The following GRID2 variants were observed in gnomAD, a reference collection of about 807,000 sequenced individuals.
GRID2 encodes glutamate receptor ionotropic, delta-2.
A neutral mutation model predicts 114.8 loss-of-function variants in GRID2; 33 were observed. The ratio of observed to expected loss-of-function variants is 0.29; its 90% CI spans 0.22 to 0.38. The LOEUF (loss-of-function observed/expected upper bound fraction) is 0.38. Ranked by LOEUF, GRID2 falls within the 10% of genes least tolerant of loss-of-function variation. The probability of loss-of-function intolerance (pLI) is 1.00; values close to 1 mark genes in which losing one functional copy is unlikely to be tolerated. For missense variants in GRID2, 1,184 were observed against 1,257.7 expected, an observed-to-expected ratio of 0.94 and a Z score of 0.89; for synonymous variants, 505 against 449.9, an observed-to-expected ratio of 1.12 and a Z score of -1.55.
chr4:92,384,872 T>A (rs1239969619), intron 1 of GRID2, among the ~76,000 whole-genome samples: 7 of 150,660 alleles, frequency 4.6e-5, no homozygotes, highest in Non-Finnish European at 7.4e-5. Flanking sequence ...CGACGCATTC[T>A]AGGTGTTCCA....
At chr4:92,451,608 G>T (rs1208180908) in intron 1 of GRID2, among the ~76,000 whole-genome samples, 1 of 152,058 alleles carries the variant, frequency 6.6e-6, no homozygotes, top group African/African-American at 2.4e-5. Context: ...AATAGAAGTA[G>T]AAGCAAATCC....
chr4:93,296,462 T>G (rs1754324372), intron 8 of GRID2, among the ~76,000 whole-genome samples: 1 of 152,116 alleles, frequency 6.6e-6, no homozygotes, highest in Non-Finnish European at 1.5e-5. Context: ...CTAACTGAAG[T>G]GGATCCAGGA....
intron 2 of GRID2, among the ~76,000 whole-genome samples, chr4:92,987,521 C>G (rs531483865): frequency 9.3e-5 from 14 of 151,280 alleles, no homozygotes; most frequent in Admixed American, 5.9e-4. Flanking sequence ...TGCAGCACAC[C>G]AACATGGCAC....
chr4:92,476,354 A>G (rs369069288), intron 1 of GRID2, among the ~76,000 whole-genome samples: 42 of 152,282 alleles, frequency 2.8e-4, no homozygotes, highest in African/African-American at 9.9e-4. Flanking sequence ...CATTAAACAT[A>G]AGATAATTTT....
At chr4:93,035,310 A>G (rs542734702) in intron 2 of GRID2, among the ~76,000 whole-genome samples, 5 of 151,926 alleles carry the variant, frequency 3.3e-5, no homozygotes, top group Non-Finnish European at 7.4e-5. Context: ...ATGGGTTTTC[A>G]CTATTTTTGC....
At chr4:93,689,504 A>T (rs17020989) in intron 14 of GRID2, among the ~76,000 whole-genome samples, 6,242 of 152,102 alleles carry the variant, frequency 0.041, 194 homozygotes, top group African/African-American at 0.08. Flanking sequence ...ATTGCTCCAG[A>T]TCAGACTTCC....
At chr4:92,505,608 G>A (rs1001146153) in intron 1 of GRID2, among the ~76,000 whole-genome samples, 11 of 151,880 alleles carry the variant, frequency 7.2e-5, no homozygotes, top group Admixed American at 5.3e-4. Flanking sequence ...GTATGTTAGG[G>A]GAGTGGAGGA....
intron 1 of GRID2, among the ~76,000 whole-genome samples, chr4:92,532,575 C>T (rs558833477): frequency 8.7e-4 from 133 of 152,058 alleles, no homozygotes; most frequent in African/African-American, 2.9e-3. Flanking sequence ...TATAATTGCC[C>T]GTGTGTAGAA....
Position 92,341,929 on chromosome 4 carries a change from AT to A in GRID2, c.88+37186del, listed in dbSNP as rs1479655768. Among the ~76,000 whole-genome samples, 176 of 146,112 alleles carry A rather than the reference AT, an allele frequency of 1.2e-3. 1 individual carries two copies. Among genetic ancestry groups the A allele is most frequent in the African/African-American group, 4.2e-3 (156 of 37,062 alleles). ...CTCCATCTCAAAAAAAAAAAAAAAA[AT>A]GTTTATGTAGCAACTTGAGGATACC... On this transcript the variant is annotated intron_variant, in intron 1 of 15. Transcript: ENST00000282020.
At chr4:92,352,711 T>C (rs1287405971) in intron 1 of GRID2, among the ~76,000 whole-genome samples, 1 of 152,042 alleles carries the variant, frequency 6.6e-6, no homozygotes, top group East Asian at 1.9e-4. Context: ...TGTAGGTTTA[T>C]TAGGATAAAT....
chr4:93,607,756 G>C (rs1387023046), intron 13 of GRID2, among the ~76,000 whole-genome samples: 1 of 151,842 alleles, frequency 6.6e-6, no homozygotes, highest in East Asian at 1.9e-4. Context: ...ATTTTATTTT[G>C]TACTCACCAC....
At chr4:92,889,814 T>A (rs553966654) in intron 2 of GRID2, among the ~76,000 whole-genome samples, 1 of 152,122 alleles carries the variant, frequency 6.6e-6, no homozygotes, top group Non-Finnish European at 1.5e-5. Flanking sequence ...GCCAAGACAA[T>A]CCTAAGCAAA....
At chr4:92,571,807 C>G (rs1579602825) in intron 1 of GRID2, among the ~76,000 whole-genome samples, 2 of 151,852 alleles carry the variant, frequency 1.3e-5, no homozygotes. Context: ...AAAATGAAGG[C>G]AGAAATAAAG....
chr4:93,160,930 T>C (rs557198962), intron 4 of GRID2, among the ~76,000 whole-genome samples: 6 of 151,902 alleles, frequency 3.9e-5, no homozygotes, highest in African/African-American at 1.4e-4. Flanking sequence ...ACCAGAATGG[T>C]ATTAACACTG....
At chr4:93,149,593 A>C (rs1330039697) in intron 4 of GRID2, among the ~76,000 whole-genome samples, 2 of 151,688 alleles carry the variant, frequency 1.3e-5, no homozygotes, top group Admixed American at 1.3e-4. Context: ...AAACAAAAAC[A>C]AGTAACAACC....
chr4:92,441,509 G>A (rs549768920), intron 1 of GRID2, among the ~76,000 whole-genome samples: 9 of 152,170 alleles, frequency 5.9e-5, no homozygotes, highest in African/African-American at 2.2e-4. Context: ...GAGTATATGG[G>A]TTTGGCACCA....
intron 14 of GRID2, among the ~76,000 whole-genome samples, chr4:93,748,389 G>A (rs1451150016): frequency 6.6e-6 from 1 of 152,062 alleles, no homozygotes; most frequent in Non-Finnish European, 1.5e-5. Flanking sequence ...AATATCAATA[G>A]AATGTTTTTC....
At chr4:93,241,380 C>T (rs1459011947) in intron 8 of GRID2, among the ~76,000 whole-genome samples, 2 of 151,350 alleles carry the variant, frequency 1.3e-5, no homozygotes, top group Admixed American at 6.6e-5. Flanking sequence ...ATTTTTGGAT[C>T]GTTATCAATC....
intron 4 of GRID2, among the ~76,000 whole-genome samples, chr4:93,165,337 GC>G (rs1738147001): frequency 2.6e-5 from 4 of 151,944 alleles, no homozygotes; most frequent in Non-Finnish European, 5.9e-5. Flanking sequence ...CTGAGCAGAA[GC>G]CCCTAAATAT....
Sources: gnomAD v4.1 joint callset for allele counts (sites outside exome capture counted in the v4.1 genomes callset) on GRCh38, gnomAD v4.1.1 for gene constraint, MANE v1.5 for transcripts, NCBI Gene and HGNC (gene_info 2026-07-23, HGNC 2026-07-21) for gene names.